Variants in ASB3 observed in about 807,000 individuals in gnomAD.
ASB3 encodes ankyrin repeat and SOCS box containing 3.
ASB3 carries 41 observed loss-of-function variants against 54.5 expected under a neutral mutation model. That is an observed-to-expected ratio of 0.75 (90% CI 0.59 to 0.98). The LOEUF (loss-of-function observed/expected upper bound fraction) is 0.98, where lower values mean the gene tolerates loss of function less well. ASB3 is among the 50% of genes least tolerant of loss of function. The probability of loss-of-function intolerance (pLI) is 0.00; values close to 1 mark genes in which losing one functional copy is unlikely to be tolerated. For missense variants in ASB3, 733 were observed against 620.0 expected (o/e 1.18, Z -1.94); for synonymous variants, 266 against 221.2 (o/e 1.20, Z -1.80).
chr2:53,744,783 G>A (rs1375094105), intron 3 of ASB3, among the ~76,000 whole-genome samples: 1 of 152,156 alleles, frequency 6.6e-6, no homozygotes, highest in Non-Finnish European at 1.5e-5. Context: ...ATCACATGGT[G>A]GTTTGTTCAA....
chr2:53,758,591 A>G (rs2104049802), intron 2 of ASB3, among the ~76,000 whole-genome samples: 1 of 152,340 alleles, frequency 6.6e-6, no homozygotes, highest in East Asian at 1.9e-4. Flanking sequence ...ATGCTGGTAA[A>G]GGACCACTAG....
chr2:53,737,372 T>A (rs193066357), intron 3 of ASB3, among the ~76,000 whole-genome samples: 13 of 152,160 alleles, frequency 8.5e-5, no homozygotes, highest in Admixed American at 5.2e-4. Flanking sequence ...GAGACAGAGA[T>A]TAGAATTTAA....
intron 8 of ASB3, among the ~76,000 whole-genome samples, chr2:53,696,476 CA>C (rs1669187927): frequency 2.6e-5 from 4 of 152,084 alleles, no homozygotes; most frequent in African/African-American, 9.7e-5. Context: ...CTTCTGCCTC[CA>C]AGTAGTCCAT....
chr2:53,716,771 AGATAACC>A, intron 5 of ASB3, 28 bp from the exon 6 acceptor site: 1 of 1,592,572 alleles, frequency 6.3e-7, no homozygotes, highest in Non-Finnish European at 8.6e-7. Flanking sequence ...AACATTTAAC[AGATAACC>A]CTAATACTTA....
intron 6 of ASB3, among the ~76,000 whole-genome samples, chr2:53,715,202 T>C (rs1670317468): frequency 6.6e-6 from 1 of 152,044 alleles, no homozygotes; most frequent in Non-Finnish European, 1.5e-5. Context: ...AAGAAAATAA[T>C]TAAAACAAAA....
chr2:53,682,155 G>A (rs539516831), intron 9 of ASB3, among the ~76,000 whole-genome samples: 11 of 132,368 alleles, frequency 8.3e-5, no homozygotes, highest in South Asian at 7.6e-4. Flanking sequence ...ACGAGACTCC[G>A]TCTCAAAAAA....
rs943183260 is a variant in ASB3, at chr2:53,676,906, T to A, written c.1370-6216A>T. 5.9e-5 allele frequency among the ~76,000 whole-genome samples: 9 copies of A among 152,272 alleles called. No homozygotes were observed. The East Asian group carries it at 1.5e-3, about 26-fold the overall frequency. ...GCCTCAGCCTCCCGAGTTGCTGGGA[T>A]TACAGGCGCCTGCCACCATGCCCGA... On this transcript the variant is annotated intron_variant, in intron 9 of 9. Coordinates refer to ENST00000263634, the MANE Select transcript of ASB3 (RefSeq NM_016115.5).
intron 8 of ASB3, 156 bp from the exon 9 acceptor site, chr2:53,694,170 T>C: frequency 2.7e-6 from 2 of 738,260 alleles, no homozygotes; most frequent in Non-Finnish European, 4.3e-6. Context: ...AGAGGCAAGA[T>C]CAGAGGATAT....
intron 3 of ASB3, among the ~76,000 whole-genome samples, chr2:53,732,322 G>T (rs1157030467): frequency 6.6e-6 from 1 of 152,014 alleles, no homozygotes; most frequent in Non-Finnish European, 1.5e-5. Context: ...AATTACAAAT[G>T]AAATTACCAT....
At chr2:53,739,810 G>A (rs1019292798) in intron 3 of ASB3, among the ~76,000 whole-genome samples, 1 of 152,012 alleles carries the variant, frequency 6.6e-6, no homozygotes, top group African/African-American at 2.4e-5. Context: ...TGAGTAGCTG[G>A]GATTACAGGC....
chr2:53,729,385 G>T, intron 4 of ASB3, 73 bp downstream of exon 4: 2 of 1,495,488 alleles, frequency 1.3e-6, no homozygotes, highest in African/African-American at 1.4e-5. Context: ...AGCAAAAACT[G>T]CATAGGACTG....
intron 7 of ASB3, among the ~76,000 whole-genome samples, chr2:53,707,668 A>AATG (rs1002337029): frequency 6.8e-6 from 1 of 148,040 alleles, no homozygotes; most frequent in Non-Finnish European, 1.5e-5. Flanking sequence ...AAAAGAAAGA[A>AATG]ATGCAGAGTA....
At chr2:53,777,184 C>G (rs1422801937) in intron 1 of ASB3, among the ~76,000 whole-genome samples, 4 of 152,164 alleles carry the variant, frequency 2.6e-5, no homozygotes, top group African/African-American at 9.7e-5. Flanking sequence ...TTCCAGCTTT[C>G]TTATTCTTCA....
chr2:53,676,303 T>G (rs953390205), intron 9 of ASB3, among the ~76,000 whole-genome samples: 2 of 152,208 alleles, frequency 1.3e-5, no homozygotes, highest in Non-Finnish European at 2.9e-5. Context: ...AGCCTATGAA[T>G]GATGTAGTAA....
intron 1 of ASB3, chr2:53,786,445 C>T (rs1003830555): frequency 9.2e-5 from 14 of 152,170 alleles, no homozygotes; most frequent in Non-Finnish European, 1.5e-5. Context: ...GGCTACCTCA[C>T]CCCAGGTTTC....
chr2:53,755,211 G>C (rs1024484070), intron 2 of ASB3, among the ~76,000 whole-genome samples: 27 of 152,202 alleles, frequency 1.8e-4, no homozygotes, highest in African/African-American at 6.5e-4. Context: ...TGGAGAATTA[G>C]AGCCACCTCA....
chr2:53,723,848 C>T (rs2103880336), intron 5 of ASB3, among the ~76,000 whole-genome samples: 1 of 152,204 alleles, frequency 6.6e-6, no homozygotes, highest in African/African-American at 2.4e-5. Context: ...ACTCCTTATT[C>T]AATAAACGGT....
At chr2:53,707,065 G>C (rs1669818591) in intron 7 of ASB3, among the ~76,000 whole-genome samples, 1 of 152,196 alleles carries the variant, frequency 6.6e-6, no homozygotes, top group Non-Finnish European at 1.5e-5. Context: ...ATCAGCTGTA[G>C]GAGAGTTACT....
chr2:53,773,391 C>G (rs1031458718), intron 1 of ASB3, among the ~76,000 whole-genome samples: 1 of 151,044 alleles, frequency 6.6e-6, no homozygotes, highest in African/African-American at 2.5e-5. Context: ...TTAGTATGTT[C>G]TTCTGTGCAC....
Sources: gnomAD v4.1 joint callset for allele counts (sites outside exome capture counted in the v4.1 genomes callset) on GRCh38, gnomAD v4.1.1 for gene constraint, MANE v1.5 for transcripts, NCBI Gene and HGNC (gene_info 2026-07-23, HGNC 2026-07-21) for gene names.